The following VPS26A variants were observed in gnomAD, a reference collection of about 807,000 sequenced individuals.
VPS26A encodes the protein VPS26 retromer complex component A, also known as vacuolar protein sorting-associated protein 26A.
Under a neutral mutation model 42.4 loss-of-function variants are expected in VPS26A, and 22 were observed. The ratio of observed to expected loss-of-function variants is 0.52; its 90% confidence interval spans 0.37 to 0.74. The LOEUF (loss-of-function observed/expected upper bound fraction) is 0.74. Among genes scored for constraint, VPS26A ranks in the 30% least tolerant of loss-of-function variants. The probability of loss-of-function intolerance (pLI) is 0.00; values close to 1 mark genes in which losing one functional copy is unlikely to be tolerated. For synonymous variants in VPS26A, 110 were observed against 123.5 expected (o/e 0.89, Z 0.73); for missense variants, 276 against 379.2 (o/e 0.73, Z 2.26).
chr10:69,157,970 A>G (rs1046085065), intron 4 of VPS26A, 77 bp from the exon 5 acceptor site: 1 of 1,299,392 alleles, frequency 7.7e-7, no homozygotes, highest in African/African-American at 1.5e-5. Flanking sequence ...CCTGAGTTGC[A>G]GTTAATGTTT....
At chr10:69,152,823 A>T (rs1024121178) in intron 2 of VPS26A, among the ~76,000 whole-genome samples, 4 of 151,956 alleles carry the variant, frequency 2.6e-5, no homozygotes, top group African/African-American at 9.7e-5. Flanking sequence ...CAAAAAAATT[A>T]GCCGGGCATG....
chr10:69,127,727 CTTTTTTTTT>C (rs572346560), intron 1 of VPS26A, among the ~76,000 whole-genome samples: 10 of 85,068 alleles, frequency 1.2e-4, no homozygotes, highest in East Asian at 3.3e-4. Flanking sequence ...TTAAAAATAT[CTTTTTTTTT>C]TTTTTTTTTT....
At chr10:69,140,932 A>G (rs1013541530) in intron 2 of VPS26A, among the ~76,000 whole-genome samples, 2 of 152,164 alleles carry the variant, frequency 1.3e-5, no homozygotes, top group Non-Finnish European at 2.9e-5. Context: ...CCCTAGTATC[A>G]TGCAGGTTTT....
intron 1 of VPS26A, among the ~76,000 whole-genome samples, chr10:69,124,944 C>G (rs1314105615): frequency 6.6e-6 from 1 of 152,162 alleles, no homozygotes; most frequent in Non-Finnish European, 1.5e-5. Context: ...GAACTTAACG[C>G]TCTGGGTTGT....
chr10:69,166,151 A>AT (rs1564688017), intron 7 of VPS26A, 41 bp downstream of exon 7: 2 of 1,550,018 alleles, frequency 1.3e-6, no homozygotes, highest in Admixed American at 3.5e-5. Context: ...TAGTGCAAAC[A>AT]TCAGTGTTCA....
chr10:69,133,624 C>A (rs1350883113), intron 2 of VPS26A: 5 of 1,287,144 alleles, frequency 3.9e-6, no homozygotes, highest in Non-Finnish European at 5.1e-6. Context: ...CTTTTTTCCC[C>A]TTTTCTTTAT....
chr10:69,157,129 T>G lies in VPS26A; in HGVS notation c.352T>G (p.Tyr118Asp). 6.2e-7 allele frequency: 1 copy of G among 1,613,408 alleles called. No homozygotes were observed. Residue 118 changes from tyrosine to aspartate, a missense_variant, in exon 4 of 9, where the codon TAT (tyrosine) becomes GAT (aspartate). By Grantham distance (160) the Tyr-to-Asp change is radical. Coordinates refer to ENST00000263559, the MANE Select transcript of VPS26A (RefSeq NM_004896.5). ...TGAATTTATGCAAGTTGAAAAGCCA[T>G]ATGAATCTTACATCGGTGCCAATGT... ...DFEFMQVEKP[Y>D]ESYIGANVRL... is the part of the protein sequence containing the mutation.
At chr10:69,153,037 TGTTAA>T (rs1174406712) in intron 2 of VPS26A, among the ~76,000 whole-genome samples, 59 of 149,952 alleles carry the variant, frequency 3.9e-4, no homozygotes, top group Non-Finnish European at 7.8e-4. Context: ...AATTCTTAAA[TGTTAA>T]GTTGTTTTTT....
intron 2 of VPS26A, among the ~76,000 whole-genome samples, chr10:69,138,490 T>A (rs1840969341): frequency 6.6e-6 from 1 of 152,178 alleles, no homozygotes; most frequent in African/African-American, 2.4e-5. Flanking sequence ...TATGACAAGA[T>A]GTTTAAGGGT....
chr10:69,168,679 A>G (rs1306343958), intron 8 of VPS26A, 48 bp downstream of exon 8: 2 of 1,588,356 alleles, frequency 1.3e-6, no homozygotes, highest in South Asian at 2.3e-5. Flanking sequence ...AGATCTAAAA[A>G]TACCTCGAAA....
At chr10:69,159,469 A>G (rs7097966) in intron 5 of VPS26A, among the ~76,000 whole-genome samples, 6,348 of 152,212 alleles carry the variant, frequency 0.042, 468 homozygotes, top group African/African-American at 0.14. Context: ...AAATTTAGCC[A>G]TAAAAACAGC....
chr10:69,134,356 A>G (rs975472213), intron 2 of VPS26A, among the ~76,000 whole-genome samples: 6 of 152,184 alleles, frequency 3.9e-5, no homozygotes, highest in African/African-American at 1.4e-4. Context: ...TAATATGGAC[A>G]TCGGTATACG....
At chr10:69,136,932 C>T (rs1840924587) in intron 2 of VPS26A, among the ~76,000 whole-genome samples, 1 of 152,048 alleles carries the variant, frequency 6.6e-6, no homozygotes, top group East Asian at 1.9e-4. Context: ...GCTGGGATTA[C>T]AGGCACGTGC....
chr10:69,127,272 A>T (rs1031708344), intron 1 of VPS26A, among the ~76,000 whole-genome samples: 1 of 150,202 alleles, frequency 6.7e-6, no homozygotes, highest in Non-Finnish European at 1.5e-5. Context: ...ATATGCCCTA[A>T]TGTAAAAAAA....
chr10:69,161,122 C>T (rs1453385171), intron 5 of VPS26A, among the ~76,000 whole-genome samples: 1 of 152,120 alleles, frequency 6.6e-6, no homozygotes, highest in East Asian at 1.9e-4. Flanking sequence ...TGCAGTGGCA[C>T]AATCATGAGT....
chr10:69,140,682 G>C (rs912821915), intron 2 of VPS26A, among the ~76,000 whole-genome samples: 21 of 152,110 alleles, frequency 1.4e-4, no homozygotes, highest in African/African-American at 5.1e-4. Context: ...ACTGTGCCTG[G>C]CCCTTCCTGA....
At chr10:69,140,916 G>A (rs956790370) in intron 2 of VPS26A, among the ~76,000 whole-genome samples, 1 of 152,132 alleles carries the variant, frequency 6.6e-6, no homozygotes. Context: ...GATTCCTCCT[G>A]CACAACCCTA....
At chr10:69,163,280 A>G (rs145380605) in intron 6 of VPS26A, among the ~76,000 whole-genome samples, 65 of 152,322 alleles carry the variant, frequency 4.3e-4, no homozygotes, top group African/African-American at 1.4e-3. Context: ...ATATTTGTTT[A>G]TAATTCTTCT....
chr10:69,153,674 A>G (rs1461029843), intron 2 of VPS26A, among the ~76,000 whole-genome samples: 1 of 152,126 alleles, frequency 6.6e-6, no homozygotes, highest in Non-Finnish European at 1.5e-5. Context: ...TTTCTAACAT[A>G]CATAGTTCAC....
Sources: gnomAD v4.1 joint callset for allele counts (sites outside exome capture counted in the v4.1 genomes callset) on GRCh38, gnomAD v4.1.1 for gene constraint, MANE v1.5 for transcripts, NCBI Gene and HGNC (gene_info 2026-07-23, HGNC 2026-07-21) for gene names.